CFAP57: variants seen among roughly 807,000 people sequenced by gnomAD.
CFAP57 encodes the protein cilia- and flagella-associated protein 57.
A neutral mutation model predicts 146.8 loss-of-function variants in CFAP57; 116 were observed. The ratio of observed to expected loss-of-function variants is 0.79; its 90% CI spans 0.68 to 0.92. The LOEUF is 0.92. CFAP57 is among the 40% of genes least tolerant of loss of function. The pLI is 0.00. For synonymous variants in CFAP57, 518 were observed against 552.8 expected (o/e 0.94, Z 0.88); for missense variants, 1,377 against 1,527.2 (o/e 0.90, Z 1.64).
intron 9 of CFAP57, among the ~76,000 whole-genome samples, chr1:43,202,188 C>A (rs1434658199): frequency 6.6e-6 from 1 of 151,984 alleles, no homozygotes; most frequent in Non-Finnish European, 1.5e-5. Context: ...AAATGTATAA[C>A]CTTAAATACA....
At chr1:43,230,717 C>T (rs1269381303) in intron 18 of CFAP57, among the ~76,000 whole-genome samples, 2 of 152,186 alleles carry the variant, frequency 1.3e-5, no homozygotes, top group Admixed American at 6.5e-5. Flanking sequence ...ATCCAGTGGA[C>T]GCATCCCATC....
chr1:43,250,643 C>A (rs1275474910), intron 22 of CFAP57, among the ~76,000 whole-genome samples: 1 of 152,244 alleles, frequency 6.6e-6, no homozygotes, highest in Non-Finnish European at 1.5e-5. Context: ...CAGCAACAAA[C>A]AAGCCCCTAG....
At chr1:43,186,527 C>T (rs1037698909) in intron 5 of CFAP57, among the ~76,000 whole-genome samples, 180 bp from the exon 6 acceptor site, 4 of 143,248 alleles carry the variant, frequency 2.8e-5, no homozygotes, top group East Asian at 2.2e-4. Context: ...AGGAGAATGG[C>T]GTGAACCCGG....
At chr1:43,185,718 G>A (rs1643022068) in intron 5 of CFAP57, among the ~76,000 whole-genome samples, 1 of 150,520 alleles carries the variant, frequency 6.6e-6, no homozygotes, top group South Asian at 2.1e-4. Flanking sequence ...AGGAGTTTGA[G>A]ACCAGCCTGG....
intron 5 of CFAP57, among the ~76,000 whole-genome samples, chr1:43,186,018 G>A (rs1445891055): frequency 6.6e-6 from 1 of 151,878 alleles, no homozygotes; most frequent in East Asian, 1.9e-4. Flanking sequence ...AGCAGAGGTT[G>A]TAGAAAGCCA....
chr1:43,227,217 T>G, intron 18 of CFAP57, 91 bp downstream of exon 18: 1 of 1,352,204 alleles, frequency 7.4e-7, no homozygotes, highest in Non-Finnish European at 9.7e-7. Context: ...GAGGAGAAGC[T>G]CTTCTCACAG....
At chr1:43,172,685 G>A in intron 1 of CFAP57, 50 bp from the exon 2 acceptor site, 1 of 1,598,478 alleles carries the variant, frequency 6.3e-7, no homozygotes, top group Non-Finnish European at 8.6e-7. Flanking sequence ...GGGCGGGGTC[G>A]GAGCGGGGCG....
intron 5 of CFAP57, 81 bp from the exon 6 acceptor site, chr1:43,186,626 A>AAG (rs1643130894): frequency 8.0e-7 from 1 of 1,252,274 alleles, no homozygotes; most frequent in African/African-American, 1.6e-5. Flanking sequence ...AAAAAAAAAA[A>AAG]AAAAAAAGAA....
chr1:43,180,238 TA>T (rs1195243572), intron 2 of CFAP57, among the ~76,000 whole-genome samples: 23 of 137,802 alleles, frequency 1.7e-4, no homozygotes, highest in South Asian at 1.7e-3. Flanking sequence ...TATATATATA[TA>T]AAATATATAT....
At chr1:43,194,212 T>C (rs1043487000) in intron 6 of CFAP57, among the ~76,000 whole-genome samples, 1 of 152,166 alleles carries the variant, frequency 6.6e-6, no homozygotes, top group Non-Finnish European at 1.5e-5. Context: ...AAAAGATAGC[T>C]TTGCAGGATT....
At chr1:43,195,389 G>A (rs1643807202) in intron 6 of CFAP57, among the ~76,000 whole-genome samples, 1 of 152,158 alleles carries the variant, frequency 6.6e-6, no homozygotes, top group Admixed American at 6.5e-5. Context: ...GGGCATGGTG[G>A]CATGTGCCTG....
intron 3 of CFAP57, among the ~76,000 whole-genome samples, chr1:43,182,187 C>T (rs1645440354): frequency 6.6e-6 from 1 of 152,172 alleles, no homozygotes; most frequent in Admixed American, 6.5e-5. Flanking sequence ...GCTTTCTCTC[C>T]CTGGTCCTAG....
In CFAP57 at chr1:43,234,636, C is replaced by T; in HGVS notation, c.3403C>T (p.Gln1135Ter). ...LHRTDYVRIMQENVSLIKEIN... is the reference protein window; with the variant it reads ...LHRTDYVRIM Reference sequence around the variant, plus strand: ...CCGCACAGACTACGTCCGCATCATGCAGGTACCTGCATGCTCCCCTCAGCC... The same window carrying T: ...CCGCACAGACTACGTCCGCATCATGTAGGTACCTGCATGCTCCCCTCAGCC... Residue 1135 changes from glutamine (Q) to a stop codon, truncating the protein, a stop_gained and splice_region_variant, in exon 21 of 23, where the codon CAG (glutamine) becomes TAG (stop). Coordinates refer to ENST00000372492, the MANE Select transcript of CFAP57 (RefSeq NM_001378189.1). LOFTEE classifies it high-confidence loss of function. The T allele has an allele frequency of 6.5e-7, 1 of 1,548,482 alleles. No homozygotes were observed.
rs1457145480 is a variant in CFAP57 at position 43,172,383 on chromosome 1, G to T, written c.-90G>T. On this transcript the variant is annotated 5_prime_UTR_variant, in exon 1 of 23. Transcript: ENST00000372492. ...CGCTACGGCGTTTGAAAGTGTCCGG[G>T]TTGCTTAGGATCCCTACAGGTAGCG... 6.4e-7 allele frequency: 1 copy of T among 1,551,558 alleles called. No homozygotes were observed. Among genetic ancestry groups the T allele is most frequent in the Admixed American group, 2.0e-5 (1 of 50,980 alleles).
intron 2 of CFAP57, among the ~76,000 whole-genome samples, chr1:43,174,762 G>A (rs1404972120): frequency 6.6e-6 from 1 of 152,186 alleles, no homozygotes; most frequent in Admixed American, 6.5e-5. Flanking sequence ...GTTGTGGTGA[G>A]CCAAGATCGC....
At chr1:43,232,414 G>T in intron 18 of CFAP57, 94 bp from the exon 19 acceptor site, 1 of 998,450 alleles carries the variant, frequency 1.0e-6, no homozygotes. Context: ...CCGGGTGTCA[G>T]GGGTGGCATC....
intron 2 of CFAP57, among the ~76,000 whole-genome samples, chr1:43,177,943 C>G (rs1415911794): frequency 2.0e-5 from 3 of 152,218 alleles, no homozygotes; most frequent in African/African-American, 4.8e-5. Context: ...GCTCTGAGCA[C>G]TCCTGCATTT....
chr1:43,172,460 G>C lies in CFAP57; in HGVS notation c.-20+7G>C. The C allele has an allele frequency of 6.5e-7, 1 of 1,543,990 alleles. No homozygotes were observed. The highest frequency in any genetic ancestry group is 8.8e-7 in the Non-Finnish European group (1 of 1,142,788). On this transcript the variant is annotated splice_region_variant and intron_variant, in intron 1 of 22. Coordinates refer to ENST00000372492, the MANE Select transcript of CFAP57 (RefSeq NM_001378189.1). The stretch of plus-strand genomic sequence containing the variant: ...ACCCAGAGAGAAACGAAAGGTGGGA[G>C]GGGGTACCTGGGGGTCGCCAGAAGG...
intron 17 of CFAP57, among the ~76,000 whole-genome samples, chr1:43,226,480 A>G (rs997718000): frequency 4.6e-5 from 7 of 152,200 alleles, no homozygotes; most frequent in African/African-American, 1.4e-4. Flanking sequence ...GACTTCTTAC[A>G]TAGCAGATGC....
Sources: gnomAD v4.1 joint callset for allele counts (sites outside exome capture counted in the v4.1 genomes callset) on GRCh38, gnomAD v4.1.1 for gene constraint, MANE v1.5 for transcripts, NCBI Gene and HGNC (gene_info 2026-07-23, HGNC 2026-07-21) for gene names.